Variants in FRY observed in about 807,000 individuals in gnomAD.
The protein encoded by FRY is protein furry homolog.
In FRY, 128 loss-of-function variants were observed where a neutral mutation model predicts 348.4. The ratio of observed to expected loss-of-function variants is 0.37; its 90% confidence interval spans 0.32 to 0.43. The LOEUF is 0.43. FRY is among the 20% of genes least tolerant of loss of function. The probability of loss-of-function intolerance (pLI) is 1.00; values close to 1 mark genes in which losing one functional copy is unlikely to be tolerated. For missense variants in FRY, 2,736 were observed against 3,695.2 expected (o/e 0.74, Z 6.73); for synonymous variants, 1,370 against 1,374.7 (o/e 1.00, Z 0.08).
intron 1 of FRY, among the ~76,000 whole-genome samples, chr13:32,056,946 T>TC (rs1873661520): frequency 6.6e-6 from 1 of 152,088 alleles, no homozygotes; most frequent in South Asian, 2.1e-4. Flanking sequence ...AAAATAAGAA[T>TC]CATCACCAGC....
chr13:32,264,955 A>G (rs919248800), intron 53 of FRY, among the ~76,000 whole-genome samples: 41 of 152,164 alleles, frequency 2.7e-4, no homozygotes, highest in Admixed American at 2.6e-3. Flanking sequence ...AAGGGGTTCT[A>G]TGTTAGAGAA....
chr13:32,211,458 C>CA (rs901976379), intron 34 of FRY, among the ~76,000 whole-genome samples: 1 of 151,400 alleles, frequency 6.6e-6, no homozygotes, highest in African/African-American at 2.4e-5. Flanking sequence ...GACTGTATCT[C>CA]AAAAAAAAGA....
intron 60 of FRY, 71 bp from the exon 61 acceptor site, chr13:32,295,131 A>G: frequency 2.2e-6 from 3 of 1,345,786 alleles, no homozygotes; most frequent in Non-Finnish European, 3.2e-6. Context: ...TCTTATATTA[A>G]TGAAGACTCA....
chr13:32,187,772 T>C (rs1016708952), intron 28 of FRY, 116 bp downstream of exon 28: 9 of 700,928 alleles, frequency 1.3e-5, no homozygotes, highest in Non-Finnish European at 2.4e-5. Context: ...GCCACACAAG[T>C]ATAGATTTAT....
chr13:32,166,684 T>A (rs1881757382), intron 17 of FRY, among the ~76,000 whole-genome samples: 1 of 150,584 alleles, frequency 6.6e-6, no homozygotes, highest in Non-Finnish European at 1.5e-5. Flanking sequence ...GCTTATATGC[T>A]TCGAGGGACA....
chr13:32,249,056 A>C (rs1593799244), intron 48 of FRY, among the ~76,000 whole-genome samples: 1 of 152,244 alleles, frequency 6.6e-6, no homozygotes, highest in East Asian at 1.9e-4. Flanking sequence ...GTGCTGCCCA[A>C]GTACCTGGCC....
chr13:32,186,128 A>T, intron 26 of FRY, 132 bp from the exon 27 acceptor site: 2 of 752,230 alleles, frequency 2.7e-6, no homozygotes, highest in Non-Finnish European at 4.7e-6. Context: ...TTTTAAGTGC[A>T]TGTTTCATTG....
At chr13:32,182,856 T>G in intron 23 of FRY, 121 bp from the exon 24 acceptor site, 1 of 685,968 alleles carries the variant, frequency 1.5e-6, no homozygotes, top group Non-Finnish European at 2.7e-6. Flanking sequence ...TCAGGGAGAT[T>G]GTGATGTCAG....
chr13:32,253,260 T>C (rs9805614), intron 50 of FRY, among the ~76,000 whole-genome samples: 3,507 of 152,304 alleles, frequency 0.023, 152 homozygotes, highest in African/African-American at 0.08. Flanking sequence ...AAACTGTGTG[T>C]CAGGTGCTAT....
intron 52 of FRY, 62 bp from the exon 53 acceptor site, chr13:32,262,252 A>G: frequency 1.5e-6 from 2 of 1,352,296 alleles, no homozygotes; most frequent in Non-Finnish European, 2.1e-6. Context: ...CTAGAGAATA[A>G]ATGGAGCTTT....
At chr13:32,145,307 A>T (rs1260114774) in intron 11 of FRY, among the ~76,000 whole-genome samples, 1 of 152,148 alleles carries the variant, frequency 6.6e-6, no homozygotes, top group Non-Finnish European at 1.5e-5. Flanking sequence ...TGACTTAGGG[A>T]GACTGTTAGG....
At chr13:32,184,127 C>A (rs915194580) in intron 24 of FRY, among the ~76,000 whole-genome samples, 5 of 151,950 alleles carry the variant, frequency 3.3e-5, no homozygotes, top group African/African-American at 1.2e-4. Flanking sequence ...TATAGTAAGC[C>A]AAGATCACAC....
chr13:32,147,248 C>T (rs2138829332), intron 11 of FRY, 34 bp from the exon 12 acceptor site: 1 of 1,255,174 alleles, frequency 8.0e-7, no homozygotes, highest in Non-Finnish European at 1.2e-6. Context: ...TCACTATTTA[C>T]ATCTGCAGTC....
chr13:32,152,641 A>G (rs1880866967), intron 14 of FRY, among the ~76,000 whole-genome samples: 1 of 152,218 alleles, frequency 6.6e-6, no homozygotes, highest in Admixed American at 6.5e-5. Context: ...AAAATGGATC[A>G]TAAACCTAAA....
At chr13:32,227,498 A>G (rs1885642755) in intron 39 of FRY, among the ~76,000 whole-genome samples, 1 of 152,228 alleles carries the variant, frequency 6.6e-6, no homozygotes, top group South Asian at 2.1e-4. Flanking sequence ...AAATAGGGGA[A>G]AAGGGATAGT....
chr13:32,129,343 G>T (rs1387902068), intron 7 of FRY, among the ~76,000 whole-genome samples: 1 of 152,104 alleles, frequency 6.6e-6, no homozygotes, highest in Non-Finnish European at 1.5e-5. Flanking sequence ...CCTAACAGTA[G>T]GTCTGCGGTA....
intron 29 of FRY, among the ~76,000 whole-genome samples, chr13:32,199,875 C>CTA (rs1408292090): frequency 1.3e-5 from 2 of 152,124 alleles, no homozygotes; most frequent in Admixed American, 6.6e-5. Context: ...TTTCTGTTGC[C>CTA]TATAACAGAA....
In FRY at chr13:32,117,435, A is replaced by C; in HGVS notation, c.426A>C (p.Ser142=). 6.2e-7 allele frequency: 1 copy of C among 1,613,836 alleles called. No homozygotes were observed. The highest frequency in any genetic ancestry group is 8.5e-7 in the Non-Finnish European group (1 of 1,179,700). The part of the protein sequence containing the change: ...YKRQNGIEDE[S]HEYRPRTSNK... ...GGCAAAATGGCATTGAGGATGAATC[A>C]CATGAATACAGACCAAGAACAAGCA... Residue 142 remains serine (S), a synonymous_variant, in exon 4 of 61, where the codon TCA becomes TCC. Transcript: ENST00000542859.
At chr13:32,256,043 C>A (rs1329864609) in intron 51 of FRY, among the ~76,000 whole-genome samples, 1 of 152,110 alleles carries the variant, frequency 6.6e-6, no homozygotes, top group East Asian at 1.9e-4. Context: ...CAGAACAGCT[C>A]ACAAATTTAG....
Sources: allele counts gnomAD v4.1 joint callset (sites outside exome capture counted in the v4.1 genomes callset), GRCh38; gene constraint gnomAD v4.1.1; transcripts MANE v1.5; gene names NCBI Gene and HGNC (gene_info 2026-07-23, HGNC 2026-07-21).